Variants in COL24A1 observed in about 807,000 individuals in gnomAD.
The protein encoded by COL24A1 is collagen alpha-1(XXIV) chain.
COL24A1 carries 224 observed loss-of-function variants against 253.9 expected under a neutral mutation model. That is an observed-to-expected ratio of 0.88 (90% confidence interval 0.79 to 0.99). COL24A1 has a LOEUF of 0.99. Ranked by LOEUF, COL24A1 falls within the 50% of genes least tolerant of loss-of-function variation. The pLI is 0.00. For missense variants in COL24A1, 2,131 were observed against 2,068.5 expected (o/e 1.03, Z -0.59); for synonymous variants, 685 against 673.7 (o/e 1.02, Z -0.26).
rs2100937361 is a variant in COL24A1 at position 85,744,923 on chromosome 1, T to C, written c.4504-89A>G. On this transcript the variant is annotated intron_variant, in intron 56 of 59. Coordinates refer to ENST00000370571, the MANE Select transcript of COL24A1 (RefSeq NM_152890.7). ...AGGAGAAGAATGTGTTTCCATTATGTGTAGTAAGTTGTGAGTAGAATGTAA... is the reference window on the plus strand; with the variant it reads ...AGGAGAAGAATGTGTTTCCATTATGCGTAGTAAGTTGTGAGTAGAATGTAA... 6.2e-6 allele frequency: 6 copies of C among 961,932 alleles called. No homozygotes were observed. The East Asian group carries it at 1.5e-4, about 24-fold the overall frequency. The allele number at this position is 961,932 out of a possible 1,614,324, so 59.6% of individuals were successfully genotyped here.
At chr1:86,145,763 G>T (rs1453897634) in intron 2 of COL24A1, among the ~76,000 whole-genome samples, 1 of 151,878 alleles carries the variant, frequency 6.6e-6, no homozygotes, top group Non-Finnish European at 1.5e-5. Context: ...TTTTTTATAT[G>T]CTTTTGTTGT....
intron 32 of COL24A1, among the ~76,000 whole-genome samples, chr1:85,888,089 G>A (rs6671033): frequency 0.12 from 17,918 of 151,798 alleles, 1,177 homozygotes; most frequent in East Asian, 0.23. Context: ...CAATAAGCCA[G>A]AAATTTAAGA....
At chr1:85,785,079 T>C (rs1243264338) in intron 48 of COL24A1, among the ~76,000 whole-genome samples, 1 of 152,110 alleles carries the variant, frequency 6.6e-6, no homozygotes, top group African/African-American at 2.4e-5. Flanking sequence ...TTCCCTACCA[T>C]CCAGAGATGA....
chr1:86,016,254 A>C (rs1371686594), intron 19 of COL24A1, among the ~76,000 whole-genome samples: 1 of 152,164 alleles, frequency 6.6e-6, no homozygotes, highest in Non-Finnish European at 1.5e-5. Flanking sequence ...AAATCAGCCA[A>C]CCTTGAAGGA....
chr1:85,807,374 C>T (rs945780275), intron 47 of COL24A1, among the ~76,000 whole-genome samples: 6 of 152,204 alleles, frequency 3.9e-5, no homozygotes, highest in Non-Finnish European at 7.3e-5. Context: ...GAAATAGGTT[C>T]TCTGATATAA....
intron 2 of COL24A1, among the ~76,000 whole-genome samples, chr1:86,142,284 G>A (rs920566020): frequency 6.6e-6 from 1 of 151,976 alleles, no homozygotes; most frequent in Non-Finnish European, 1.5e-5. Flanking sequence ...AGCACTTTGG[G>A]AGGCCGAGGC....
At chr1:86,034,484 T>C (rs1162431031) in intron 12 of COL24A1, among the ~76,000 whole-genome samples, 1 of 151,954 alleles carries the variant, frequency 6.6e-6, no homozygotes, top group East Asian at 1.9e-4. Context: ...GTTAGACCAT[T>C]AAAAATGGGT....
At chr1:86,089,134 A>AC (rs748924388) in intron 7 of COL24A1, 40 bp downstream of exon 7, 21 of 1,529,280 alleles carry the variant, frequency 1.4e-5, no homozygotes, top group Non-Finnish European at 1.9e-5. Context: ...AAAAAAGAAA[A>AC]AAAGAAGAAA....
intron 43 of COL24A1, among the ~76,000 whole-genome samples, chr1:85,837,917 A>G (rs1676195203): frequency 6.6e-6 from 1 of 152,206 alleles, no homozygotes; most frequent in Non-Finnish European, 1.5e-5. Flanking sequence ...GGGAAGAGAT[A>G]TAAGGCAGGA....
intron 7 of COL24A1, among the ~76,000 whole-genome samples, chr1:86,075,492 G>A (rs1190117363): frequency 1.3e-5 from 2 of 152,128 alleles, no homozygotes; most frequent in Non-Finnish European, 2.9e-5. Context: ...CATTCCTTCT[G>A]AAACTATTCC....
intron 2 of COL24A1, among the ~76,000 whole-genome samples, chr1:86,141,668 G>A (rs1651099466): frequency 6.6e-6 from 1 of 151,716 alleles, no homozygotes; most frequent in South Asian, 2.1e-4. Flanking sequence ...GCCTACCCAT[G>A]CAAACAGTTG....
In COL24A1 at chr1:86,110,912, C is replaced by T. The variant is rs117742673; in HGVS notation, c.1599+1655G>A. 9.0e-3 allele frequency among the ~76,000 whole-genome samples: 1,369 copies of T among 152,252 alleles called. 24 individuals carry two copies. The highest frequency in any genetic ancestry group is 0.074 in the East Asian group (380 of 5,142). ...CCGTGGTGCCTGGTCCCATCGACTG[C>T]CCAAGGGCTGAGGAGTGCCGGCAAG... On this transcript the variant is annotated intron_variant, in intron 5 of 59. Transcript: ENST00000370571.
intron 37 of COL24A1, among the ~76,000 whole-genome samples, chr1:85,867,164 T>C (rs74097603): frequency 0.021 from 3,124 of 152,314 alleles, 97 homozygotes; most frequent in African/African-American, 0.07. Flanking sequence ...GCAAACCTAA[T>C]TGAGCTGATT....
chr1:85,954,405 G>A (rs1232200062), intron 24 of COL24A1, among the ~76,000 whole-genome samples: 1 of 152,148 alleles, frequency 6.6e-6, no homozygotes, highest in Non-Finnish European at 1.5e-5. Context: ...TTGCTAAGAG[G>A]AAGCAGGATG....
In COL24A1 at chr1:85,784,360, G is replaced by T. The variant is rs763584065; in HGVS notation, c.4066C>A (p.Gln1356Lys). ...SPGIQGPKGE[Q>K]GLPGQPGIQG... ...ATTCCAGGTTGACCAGGTAGCCCTT[G>T]TTCACCCTATGGGTAGAACAAAGAA... Residue 1356 changes from glutamine to lysine, a missense_variant, in exon 49 of 60, where the codon CAA becomes AAA. Coordinates refer to ENST00000370571, the MANE Select transcript of COL24A1 (RefSeq NM_152890.7). The T allele has an allele frequency of 2.5e-6, 4 of 1,612,844 alleles. No individual in the cohort carries two copies. The highest frequency in any genetic ancestry group is 1.7e-5 in the Admixed American group (1 of 59,932).
At chr1:85,896,595 C>G (rs913400191) in intron 28 of COL24A1, among the ~76,000 whole-genome samples, 186 bp from the exon 29 acceptor site, 1 of 151,878 alleles carries the variant, frequency 6.6e-6, no homozygotes. Flanking sequence ...CCCAGGTTCA[C>G]GCCATTCTCC....
chr1:86,006,226 G>A (rs1384981391), intron 19 of COL24A1, among the ~76,000 whole-genome samples: 4 of 152,128 alleles, frequency 2.6e-5, no homozygotes, highest in Admixed American at 2.6e-4. Flanking sequence ...AGAGGACAGA[G>A]TTGGAGGACT....
At chr1:85,932,539 G>A (rs1687838081) in intron 24 of COL24A1, among the ~76,000 whole-genome samples, 1 of 115,200 alleles carries the variant, frequency 8.7e-6, no homozygotes, top group Non-Finnish European at 1.7e-5. Context: ...CGATTCCTCA[G>A]GGATCTAGAA....
chr1:85,916,943 T>G (rs991213696), intron 24 of COL24A1, among the ~76,000 whole-genome samples: 3 of 152,326 alleles, frequency 2.0e-5, no homozygotes, highest in East Asian at 3.9e-4. Flanking sequence ...AGGAGACATA[T>G]AGAAAGACGT....
Sources: allele counts gnomAD v4.1 joint callset (sites outside exome capture counted in the v4.1 genomes callset), GRCh38; gene constraint gnomAD v4.1.1; transcripts MANE v1.5; gene names NCBI Gene and HGNC (gene_info 2026-07-23, HGNC 2026-07-21).